Variants in FKBP15 observed in about 807,000 individuals in gnomAD.
FKBP15 encodes FK506-binding protein 15.
Under a neutral mutation model 158.1 loss-of-function variants are expected in FKBP15, and 106 were observed. The ratio of observed to expected loss-of-function variants is 0.67; its 90% CI spans 0.57 to 0.79. The LOEUF is 0.79. FKBP15 is among the 30% of genes least tolerant of loss of function. The probability of loss-of-function intolerance (pLI) is 0.00; values close to 1 mark genes in which losing one functional copy is unlikely to be tolerated. For synonymous variants in FKBP15, 547 were observed against 548.6 expected, an observed-to-expected ratio of 1.00 and a Z score of 0.04; for missense variants, 1,287 against 1,479.1, an observed-to-expected ratio of 0.87 and a Z score of 2.13.
rs1166090439 is a variant in FKBP15, at chr9:113,164,052, C to T, written c.*2026G>A. On this transcript the variant is annotated 3_prime_UTR_variant, in exon 28 of 28. Coordinates refer to ENST00000238256, the MANE Select transcript of FKBP15 (RefSeq NM_015258.2). ...GAAAATCACTGCTGTATACTAAATA[C>T]CTCACAGATTAGATGAAAAGATGGT... is the stretch of plus-strand genomic sequence containing the variant. The T allele has an allele frequency of 6.6e-6, 1 of 152,584 alleles. No homozygotes were observed. The highest frequency in any genetic ancestry group is 1.5e-5 in the Non-Finnish European group (1 of 68,040). The allele number at this position is 152,584 out of a possible 1,614,324, so 9.5% of individuals were successfully genotyped here.
At chr9:113,219,402 T>C (rs1303604799) in intron 1 of FKBP15, among the ~76,000 whole-genome samples, 1 of 152,190 alleles carries the variant, frequency 6.6e-6, no homozygotes, top group Non-Finnish European at 1.5e-5. Context: ...TCTACTTCCT[T>C]AGAGAAAACC....
chr9:113,187,986 C>A, intron 13 of FKBP15, 87 bp from the exon 14 acceptor site: 1 of 954,406 alleles, frequency 1.0e-6, no homozygotes, highest in South Asian at 1.5e-5. Flanking sequence ...TATCATGCTT[C>A]AGACTCAACT....
intron 19 of FKBP15, 28 bp downstream of exon 19, chr9:113,182,738 T>C (rs1314009162): frequency 6.3e-7 from 1 of 1,586,260 alleles, no homozygotes; most frequent in Non-Finnish European, 8.7e-7. Flanking sequence ...CATCCTGACC[T>C]GGGCTTTTCT....
chr9:113,173,624 G>T lies in FKBP15; in HGVS notation c.2380-19C>A. ...AAGACAGCTGCCAAGAGAAAGTAATGACCATATCATCCTTGGGGGTGGGGG... is the reference window on the plus strand; with the variant it reads ...AAGACAGCTGCCAAGAGAAAGTAATTACCATATCATCCTTGGGGGTGGGGG... On this transcript the variant is annotated intron_variant, in intron 22 of 27. Coordinates refer to ENST00000238256, the MANE Select transcript of FKBP15 (RefSeq NM_015258.2). 4 of 1,610,518 alleles carry T rather than the reference G, an allele frequency of 2.5e-6. No individual in the cohort carries two copies. In the South Asian group the frequency reaches 4.4e-5, roughly 18 times the overall value.
intron 18 of FKBP15, 33 bp from the exon 19 acceptor site, chr9:113,182,901 A>T: frequency 6.4e-7 from 1 of 1,563,754 alleles, no homozygotes; most frequent in Non-Finnish European, 8.8e-7. Context: ...GAAAACATTT[A>T]TCAAGCACTG....
intron 10 of FKBP15, 108 bp downstream of exon 10, chr9:113,193,919 C>A: frequency 7.7e-7 from 1 of 1,298,416 alleles, no homozygotes; most frequent in African/African-American, 1.5e-5. Context: ...CCATTTTTTC[C>A]AGTTATTTAA....
Position 113,186,328 on chromosome 9 carries a change from C to T in FKBP15, c.1419G>A (p.Gln473=), listed in dbSNP as rs759986206. The T allele has an allele frequency of 8.3e-6, 13 of 1,568,892 alleles. No individual in the cohort carries two copies. The highest frequency in any genetic ancestry group is 1.0e-5 in the Non-Finnish European group (12 of 1,156,164). Residue 473 remains glutamine (Q), a synonymous_variant, in exon 15 of 28, where the codon CAG becomes CAA. Coordinates refer to ENST00000238256, the MANE Select transcript of FKBP15 (RefSeq NM_015258.2). ...YAGMQAYAYP[Q]ASAVTSQLQP... Reference sequence around the variant, plus strand: ...GCAGCTGGGAGGTGACGGCAGATGCCTGGGGATAAGCGTAGGCTTGCATAC... The same window carrying T: ...GCAGCTGGGAGGTGACGGCAGATGCTTGGGGATAAGCGTAGGCTTGCATAC...
intron 15 of FKBP15, among the ~76,000 whole-genome samples, chr9:113,185,764 A>G (rs1587959072): frequency 6.6e-6 from 1 of 152,324 alleles, no homozygotes; most frequent in South Asian, 2.1e-4. Context: ...ACCCTTTTGT[A>G]CTGCTTGACT....
In FKBP15 at chr9:113,169,474, A is replaced by G; in HGVS notation, c.3235T>C (p.Cys1079Arg). 1.2e-6 allele frequency: 2 copies of G among 1,614,026 alleles called. No individual in the cohort carries two copies. The highest frequency in any genetic ancestry group is 1.7e-6 in the Non-Finnish European group (2 of 1,179,888). ...CCATCTGGTGCTACTTCCCTGACAC[A>G]GACCTTTCCTGATGGGTTGTCGGGC... ...AKPDNPSGKV[C>R]VREVAPDGPL... Residue 1079 changes from cysteine to arginine, a missense_variant, in exon 26 of 28, where the codon TGT (cysteine) becomes CGT (arginine). Physicochemically the swap from Cys to Arg is radical, Grantham distance 180 (BLOSUM62 -3). Coordinates refer to ENST00000238256, the MANE Select transcript of FKBP15 (RefSeq NM_015258.2).
intron 10 of FKBP15, among the ~76,000 whole-genome samples, 160 bp downstream of exon 10, chr9:113,193,867 T>C (rs1830621694): frequency 2.6e-5 from 4 of 152,224 alleles, no homozygotes; most frequent in Admixed American, 2.6e-4. Flanking sequence ...TAAACCTTTG[T>C]CAGAAAAATC....
At chr9:113,168,405 G>A (rs1379049862) in intron 27 of FKBP15, 55 bp downstream of exon 27, 2 of 1,467,206 alleles carry the variant, frequency 1.4e-6, no homozygotes, top group East Asian at 2.3e-5. Context: ...GAGCCAGTAG[G>A]GAAGAGCCCC....
rs373744948 is a variant in FKBP15 at position 113,161,214 on chromosome 9, C to T, written c.*4864G>A. The T allele has an allele frequency of 1.3e-4, 53 of 412,764 alleles. No homozygotes were observed. The highest frequency in any genetic ancestry group is 4.7e-4 in the South Asian group (16 of 33,728). 25.6% of individuals were successfully genotyped at this position (412,764 alleles called of 1,614,324 possible). On this transcript the variant is annotated 3_prime_UTR_variant, in exon 28 of 28. Coordinates refer to ENST00000238256, the MANE Select transcript of FKBP15 (RefSeq NM_015258.2). ...GGACCTTGCAGTACTCATCACTTAA[C>T]AAGAAGTCACGACAGATTTGTGCAG... is the stretch of plus-strand genomic sequence containing the variant.
intron 19 of FKBP15, among the ~76,000 whole-genome samples, chr9:113,179,872 T>C (rs1013385977): frequency 4.6e-5 from 7 of 152,226 alleles, no homozygotes; most frequent in Admixed American, 2.6e-4. Flanking sequence ...TACTTATTTT[T>C]GCTATTCAGT....
At chr9:113,194,785 AG>A (rs1447351539) in intron 9 of FKBP15, among the ~76,000 whole-genome samples, 1 of 152,224 alleles carries the variant, frequency 6.6e-6, no homozygotes, top group African/African-American at 2.4e-5. Flanking sequence ...TTTAACTTCA[AG>A]GGTCAGCCCT....
rs933165708 is a variant in FKBP15, at chr9:113,165,699, T to C, written c.*379A>G. 6.8e-5 allele frequency: 13 copies of C among 189,978 alleles called. No homozygotes were observed. The highest frequency in any genetic ancestry group is 2.4e-4 in the South Asian group (2 of 8,284). 11.8% of individuals were successfully genotyped at this position (189,978 alleles called of 1,614,324 possible). The stretch of plus-strand genomic sequence containing the variant: ...ACCAGGGAGACCTCAGCCCAGGTCT[T>C]GTTGCCGGGGCACAGTTGAGCACTG... On this transcript the variant is annotated 3_prime_UTR_variant, in exon 28 of 28. Transcript: ENST00000238256.
rs890367462 is a variant in FKBP15, at chr9:113,219,792, T to C, written c.53+1399A>G. The stretch of plus-strand genomic sequence containing the variant: ...CAGACTTCTCCCAAATACTTTCACA[T>C]AGTGAAGAATGCGAATTTAAAGTGG... On this transcript the variant is annotated intron_variant, in intron 1 of 27. Transcript: ENST00000238256. 3.9e-5 allele frequency among the ~76,000 whole-genome samples: 6 copies of C among 152,192 alleles called. No homozygotes were observed. In the East Asian group the frequency reaches 9.6e-4, roughly 24 times the overall value.
In FKBP15 at chr9:113,213,461, C is replaced by T. The variant is rs1028728163; in HGVS notation, c.54-1869G>A. 4.0e-5 allele frequency among the ~76,000 whole-genome samples: 6 copies of T among 151,594 alleles called. No individual in the cohort carries two copies. In the East Asian group the frequency reaches 9.7e-4, roughly 25 times the overall value. ...TGGTGGTAAACGCCTGGAGTCCTAG[C>T]GGCTTGAGAGGCTGAGGCAGGAGGC... On this transcript the variant is annotated intron_variant, in intron 1 of 27. Transcript: ENST00000238256.
Position 113,169,885 on chromosome 9 carries a change from C to T in FKBP15, c.2824G>A (p.Glu942Lys). 1.3e-6 allele frequency: 2 copies of T among 1,550,296 alleles called. No individual in the cohort carries two copies. ...TCTTCTGCTTTTTCTTCTTCTTCTT[C>T]ACTGCTGCTCTCTTCCTTCTCTTGC... ...QEQEKEESSS[E>K]EEEEKAEERP... Residue 942 changes from glutamate to lysine, a missense_variant, in exon 26 of 28, where the codon GAA becomes AAA. Coordinates refer to ENST00000238256, the MANE Select transcript of FKBP15 (RefSeq NM_015258.2).
chr9:113,169,735 C>G lies in FKBP15; in HGVS notation c.2974G>C (p.Val992Leu), dbSNP rs769709985. 3.1e-6 allele frequency: 5 copies of G among 1,612,870 alleles called. No homozygotes were observed. Among genetic ancestry groups the G allele is most frequent in the Admixed American group, 3.3e-5 (2 of 59,852 alleles). Residue 992 changes from valine to leucine, a missense_variant, in exon 26 of 28, where the codon GTC (valine) becomes CTC (leucine). Val to Leu is a conservative substitution (Grantham distance 32). Transcript: ENST00000238256. ...GTGAGGGCCTGAGGAGGCAACGGGA[C>G]AGCTTCCTCGACCACCTGCTCTGAG... ...VPSEQVVEEA[V>L]PLPPQALTTS...
Sources: allele counts gnomAD v4.1 joint callset (sites outside exome capture counted in the v4.1 genomes callset), GRCh38; gene constraint gnomAD v4.1.1; transcripts MANE v1.5; gene names NCBI Gene and HGNC (gene_info 2026-07-23, HGNC 2026-07-21).